NR2C1: variants seen among roughly 807,000 people sequenced by gnomAD.
The protein encoded by NR2C1 is TR2 nuclear hormone receptor.
NR2C1 carries 33 observed loss-of-function variants against 74.8 expected under a neutral mutation model. That is an observed-to-expected ratio of 0.44 (90% confidence interval 0.33 to 0.59). The LOEUF (loss-of-function observed/expected upper bound fraction) is 0.59. Among genes scored for constraint, NR2C1 ranks in the 20% least tolerant of loss-of-function variants. The pLI is 0.02. For synonymous variants in NR2C1, 225 were observed against 240.6 expected, an observed-to-expected ratio of 0.94 and a Z score of 0.60; for missense variants, 568 against 715.6, an observed-to-expected ratio of 0.79 and a Z score of 2.35.
intron 1 of NR2C1, among the ~76,000 whole-genome samples, chr12:95,071,741 A>T (rs1876649424): frequency 6.6e-6 from 1 of 151,848 alleles, no homozygotes. Context: ...AACATTTCAT[A>T]AAACCCACTT....
intron 10 of NR2C1, among the ~76,000 whole-genome samples, chr12:95,033,308 T>C (rs1041347674): frequency 3.3e-5 from 5 of 152,054 alleles, no homozygotes; most frequent in African/African-American, 7.2e-5. Flanking sequence ...TTTTAGGTAA[T>C]AAAAATTCTA....
chr12:95,051,713 C>T (rs1259391324), intron 8 of NR2C1, 49 bp downstream of exon 8: 1 of 1,476,374 alleles, frequency 6.8e-7, no homozygotes, highest in African/African-American at 1.4e-5. Flanking sequence ...TTAAGAAATA[C>T]TGAAAGACAT....
intron 2 of NR2C1, 165 bp from the exon 3 acceptor site, chr12:95,062,903 A>C (rs1266751158): frequency 8.1e-6 from 5 of 617,504 alleles, no homozygotes; most frequent in Non-Finnish European, 1.4e-5. Flanking sequence ...GAAATAAACA[A>C]ATGTGCAAAC....
chr12:95,031,788 T>C (rs912136484), intron 10 of NR2C1, among the ~76,000 whole-genome samples: 1 of 152,362 alleles, frequency 6.6e-6, no homozygotes, highest in Middle Eastern at 3.4e-3. Flanking sequence ...TAAAGATTGT[T>C]CTTAAAAGCA....
rs765748792 is a variant in NR2C1, at chr12:95,057,621, C to T, written c.715G>A (p.Gly239Arg). The stretch of plus-strand genomic sequence containing the variant: ...GATGGATGAATATTCATGAACATTC[C>T]TGAATCTAACAGTCCTGTTGACCTG... ...STRSTGLLDS[G>R]MFMNIHPSGV... The change falls in exon 7 of 14, where the codon GGA (glycine) becomes AGA (arginine). Residue 239 changes from glycine to arginine, a missense_variant. Gly to Arg is a moderately radical substitution (Grantham distance 125). Transcript: ENST00000333003. 17 of 1,613,702 alleles carry T rather than the reference C, an allele frequency of 1.1e-5. No homozygotes were observed. The highest frequency in any genetic ancestry group is 1.6e-4 in the Middle Eastern group (1 of 6,082).
At chr12:95,034,700 T>C (rs78833763) in intron 10 of NR2C1, among the ~76,000 whole-genome samples, 5,539 of 152,292 alleles carry the variant, frequency 0.036, 136 homozygotes, top group Middle Eastern at 0.082. Context: ...CACTTCTCTA[T>C]GTTTAGATAC....
chr12:95,064,782 CGTTT>C (rs1875409912), intron 2 of NR2C1, among the ~76,000 whole-genome samples: 2 of 152,104 alleles, frequency 1.3e-5, no homozygotes, highest in South Asian at 2.1e-4. Context: ...TGGCAAAGTC[CGTTT>C]GTTTCTAATT....
At chr12:95,025,096 A>T (rs1384392216) in intron 13 of NR2C1, 54 bp downstream of exon 13, 12 of 775,162 alleles carry the variant, frequency 1.5e-5, no homozygotes, top group Admixed American at 2.9e-5. Flanking sequence ...GAGATAACAG[A>T]TCCACAAAAG....
At chr12:95,025,619 T>C (rs1022443836) in intron 12 of NR2C1, among the ~76,000 whole-genome samples, 10 of 137,670 alleles carry the variant, frequency 7.3e-5, no homozygotes, top group African/African-American at 2.2e-4. Flanking sequence ...GACAGCGCCA[T>C]TGCACTCCAG....
At chr12:95,043,771 A>G (rs925680869) in intron 9 of NR2C1, among the ~76,000 whole-genome samples, 1 of 152,088 alleles carries the variant, frequency 6.6e-6, no homozygotes, top group Admixed American at 6.6e-5. Context: ...TAAACACTGG[A>G]TATAATGGTT....
chr12:95,046,591 G>GA (rs750437793), intron 9 of NR2C1, among the ~76,000 whole-genome samples: 26 of 148,974 alleles, frequency 1.7e-4, no homozygotes, highest in Admixed American at 4.0e-4. Flanking sequence ...ATCTCACAAA[G>GA]AAAAAAAAAA....
At chr12:95,050,220 A>G (rs1316648464) in intron 8 of NR2C1, among the ~76,000 whole-genome samples, 1 of 152,224 alleles carries the variant, frequency 6.6e-6, no homozygotes, top group Non-Finnish European at 1.5e-5. Flanking sequence ...CATATTTTTC[A>G]ATAAGCCTCC....
Position 95,051,804 on chromosome 12 carries a change from A to T in NR2C1, c.923T>A (p.Leu308Ter). The T allele has an allele frequency of 6.2e-7, 1 of 1,607,884 alleles. No individual in the cohort carries two copies. The highest frequency in any genetic ancestry group is 8.5e-7 in the Non-Finnish European group (1 of 1,178,708). Residue 308 changes from leucine to a stop codon, truncating the protein, a stop_gained, in exon 8 of 14, where the codon TTG (leucine) becomes TAG (stop). Transcript: ENST00000333003. LOFTEE classifies it high-confidence loss of function. Reference protein sequence around the residue: ...IESLSNDDTSLCEFQEMQTNG... With the variant: ...IESLSNDDTS ...GGTCTGCATTTCTTGAAATTCACAC[A>T]AAGAGGTATCATCATTGCTTAAGCT...
At position 95,059,985 on chromosome 12, in the gene NR2C1, C is replaced by CA. The variant is rs1874523270; in HGVS notation, c.286-2_286-1insT. ...GGTCTGGAGAATTATCTGTTAGGAG[C>CA]TAAAAAAAAAAAAAAAAAAAAAGAA... On this transcript the variant is annotated splice_acceptor_variant, in intron 3 of 13. Transcript: ENST00000333003. LOFTEE classifies it high-confidence loss of function. 4.1e-6 allele frequency: 4 copies of CA among 985,132 alleles called. No individual in the cohort carries two copies. Among genetic ancestry groups the CA allele is most frequent in the Admixed American group, 3.8e-5 (1 of 26,004 alleles). 61.0% of individuals were successfully genotyped at this position (985,132 alleles called of 1,614,324 possible).
intron 9 of NR2C1, among the ~76,000 whole-genome samples, chr12:95,042,839 G>A (rs535468223): frequency 5.5e-5 from 8 of 146,614 alleles, no homozygotes; most frequent in South Asian, 2.3e-4. Flanking sequence ...GCTCGTGCCT[G>A]TAATTCCAGC....
intron 10 of NR2C1, among the ~76,000 whole-genome samples, chr12:95,039,591 C>T (rs1871255894): frequency 3.3e-5 from 5 of 152,062 alleles, no homozygotes; most frequent in Admixed American, 3.3e-4. Context: ...TTATAGTAGG[C>T]CATTTTCTAT....
intron 7 of NR2C1, 60 bp downstream of exon 7, chr12:95,057,493 G>C: frequency 8.2e-7 from 1 of 1,226,798 alleles, no homozygotes; most frequent in Admixed American, 2.2e-5. Flanking sequence ...CAAAGGAAGT[G>C]ATTAGAAAAC....
chr12:95,056,117 T>G (rs1001346147), intron 7 of NR2C1, among the ~76,000 whole-genome samples: 1 of 151,464 alleles, frequency 6.6e-6, no homozygotes, highest in Non-Finnish European at 1.5e-5. Context: ...ATAGGAAAAA[T>G]TAGCCAGGCA....
chr12:95,057,546 A>C lies in NR2C1; in HGVS notation c.783+7T>G, dbSNP rs1234891370. 1 of 1,593,120 alleles carries C rather than the reference A, an allele frequency of 6.3e-7. No individual in the cohort carries two copies. Among genetic ancestry groups the C allele is most frequent in the Admixed American group, 1.7e-5 (1 of 57,360 alleles). On this transcript the variant is annotated splice_region_variant and intron_variant, in intron 7 of 13. Transcript: ENST00000333003. ...ATTATCTAAGCTTTAAATTGTACTA[A>C]ACACACCTTATCTGATGTCATCAGC...
Sources: allele counts gnomAD v4.1 joint callset (sites outside exome capture counted in the v4.1 genomes callset), GRCh38; gene constraint gnomAD v4.1.1; transcripts MANE v1.5; gene names NCBI Gene and HGNC (gene_info 2026-07-23, HGNC 2026-07-21).